CACNA1E: variants seen among roughly 807,000 people sequenced by gnomAD.
CACNA1E encodes voltage-dependent R-type calcium channel subunit alpha-1E.
In CACNA1E, 40 loss-of-function variants were observed where a neutral mutation model predicts 259.2. That is an observed-to-expected ratio of 0.15 (90% confidence interval 0.12 to 0.20). The LOEUF (loss-of-function observed/expected upper bound fraction) is 0.20, where lower values mean the gene tolerates loss of function less well. Ranked by LOEUF, CACNA1E falls within the 10% of genes least tolerant of loss-of-function variation. The pLI is 1.00. For synonymous variants in CACNA1E, 1,104 were observed against 1,138.5 expected (o/e 0.97, Z 0.61); for missense variants, 1,874 against 3,040.1 (o/e 0.62, Z 9.02).
At position 181,630,390 on chromosome 1, in the gene CACNA1E, C is replaced by G. The variant is rs549700386; in HGVS notation, c.952-20948C>G. ...AAAGCAGTGTAATTAACATGCCCCC[C>G]CACCCCGCCTTAAAACCTAATATTC... On this transcript the variant is annotated intron_variant, in intron 6 of 47. Transcript: ENST00000367573. Among the ~76,000 whole-genome samples, 6 of 150,064 alleles carry G rather than the reference C, an allele frequency of 4.0e-5. No individual in the cohort carries two copies. In the East Asian group the frequency reaches 5.8e-4, roughly 15 times the overall value.
At chr1:181,491,774 G>A (rs1664336829) in intron 1 of CACNA1E, among the ~76,000 whole-genome samples, 1 of 152,222 alleles carries the variant, frequency 6.6e-6, no homozygotes, top group Non-Finnish European at 1.5e-5. Flanking sequence ...GCTCTTCTGA[G>A]AAGGGACATG....
chr1:181,641,730 T>TTTTG (rs1657795076), intron 6 of CACNA1E, among the ~76,000 whole-genome samples: 1 of 126,584 alleles, frequency 7.9e-6, no homozygotes. Context: ...TTTTTTTTTT[T>TTTTG]TGAGACAGAG....
intron 2 of CACNA1E, among the ~76,000 whole-genome samples, chr1:181,439,876 C>T (rs1010038977): frequency 1.2e-4 from 19 of 152,184 alleles, no homozygotes; most frequent in African/African-American, 3.9e-4. Context: ...TTAATCCAAT[C>T]GCAAAAACAT....
At chr1:181,388,388 T>C (rs992972235) in intron 1 of CACNA1E, among the ~76,000 whole-genome samples, 1 of 152,306 alleles carries the variant, frequency 6.6e-6, no homozygotes, top group East Asian at 1.9e-4. Context: ...CGCTAGGTGA[T>C]TTTGTCATTG....
intron 2 of CACNA1E, among the ~76,000 whole-genome samples, chr1:181,425,130 G>A (rs566710759): frequency 2.0e-5 from 3 of 152,298 alleles, no homozygotes; most frequent in South Asian, 2.1e-4. Context: ...CCAAGTGGTT[G>A]TTTCTGTGTA....
intron 3 of CACNA1E, among the ~76,000 whole-genome samples, chr1:181,558,880 A>C (rs370320286): frequency 2.6e-5 from 4 of 152,196 alleles, no homozygotes; most frequent in African/African-American, 7.2e-5. Flanking sequence ...GTAGGGATAG[A>C]GAAATGAAAC....
chr1:181,798,781 T>C lies in CACNA1E; in HGVS notation c.6889T>C (p.Cys2297Arg). 6.4e-7 allele frequency: 1 copy of C among 1,567,840 alleles called. No individual in the cohort carries two copies. The highest frequency in any genetic ancestry group is 2.3e-5 in the East Asian group (1 of 44,194). ...CGGGGGGCCTGGGCCAGGCATGATG[T>C]GTGGGGCTGTCAACAACCTGCTAAG... ...RRGGPGPGMMCGAVNNLLSDT... is the reference protein window; with the variant it reads ...RRGGPGPGMMRGAVNNLLSDT... The change falls in exon 48 of 48, where the codon TGT (cysteine) becomes CGT (arginine). Residue 2297 changes from cysteine to arginine, a missense_variant. By Grantham distance (180) the Cys-to-Arg change is radical. Around this residue, in one of 14 missense-constraint regions of CACNA1E, gnomAD observed 542 missense variants for 587.2 expected, o/e 0.92. Transcript: ENST00000367573. This position sits in a 1 kb window ranked among gnomAD's most constrained non-coding sequence, Gnocchi z 4.2.
upstream of CACNA1E, among the ~76,000 whole-genome samples, chr1:181,480,803 T>C (rs1663180985): frequency 1.3e-5 from 2 of 152,218 alleles, no homozygotes; most frequent in Non-Finnish European, 2.9e-5. Context: ...TCTAGTATAA[T>C]CTAGTGTAAA....
At chr1:181,409,647 T>C (rs755849406) in intron 1 of CACNA1E, among the ~76,000 whole-genome samples, 6 of 152,192 alleles carry the variant, frequency 3.9e-5, no homozygotes, top group Non-Finnish European at 8.8e-5. Context: ...CTAGAAGATA[T>C]AGACTGGCTT....
chr1:181,398,948 G>A (rs1656886742), intron 1 of CACNA1E, among the ~76,000 whole-genome samples: 1 of 152,102 alleles, frequency 6.6e-6, no homozygotes, highest in Non-Finnish European at 1.5e-5. Context: ...TCCCTTCCAG[G>A]CAATGCTGCT....
Position 181,793,756 on chromosome 1 carries a change from G to A in CACNA1E, c.5990G>A (p.Arg1997Lys), listed in dbSNP as rs544113218. The change falls in exon 45 of 48, where the codon AGG becomes AAG. Residue 1997 changes from arginine (R) to lysine (K), a missense_variant. Coordinates refer to ENST00000367573, the MANE Select transcript of CACNA1E (RefSeq NM_001205293.3). The part of the protein sequence containing the change: ...SDTQEHAGSG[R>K]ASSMPRLTVD... ...ACCCAGGAGCATGCGGGATCTGGGA[G>A]GGCATCTTCTATGCCACGTCTGACT... 4 of 1,611,830 alleles carry A rather than the reference G, an allele frequency of 2.5e-6. No homozygotes were observed. In the Admixed American group the frequency reaches 6.7e-5, roughly 27 times the overall value.
At chr1:181,697,727 A>G (rs1651854097) in intron 7 of CACNA1E, among the ~76,000 whole-genome samples, 1 of 152,256 alleles carries the variant, frequency 6.6e-6, no homozygotes, top group African/African-American at 2.4e-5. Flanking sequence ...TAGACATCAA[A>G]TATCTGTAAA....
intron 27 of CACNA1E, among the ~76,000 whole-genome samples, chr1:181,754,805 CA>C (rs1251057101): frequency 1.3e-5 from 2 of 152,158 alleles, no homozygotes; most frequent in African/African-American, 4.8e-5. Flanking sequence ...AATACATAAT[CA>C]GTATATAAAT....
intron 3 of CACNA1E, among the ~76,000 whole-genome samples, chr1:181,573,191 A>G (rs773795045): frequency 3.3e-5 from 5 of 152,220 alleles, no homozygotes; most frequent in Non-Finnish European, 5.9e-5. Context: ...TTAATGACAT[A>G]CCACTTGAAA....
At chr1:181,791,508 T>G (rs571371420) in intron 44 of CACNA1E, among the ~76,000 whole-genome samples, 90 of 152,198 alleles carry the variant, frequency 5.9e-4, no homozygotes, top group African/African-American at 2.1e-3. Flanking sequence ...GAGAGACCTA[T>G]TGAGTCAAGT....
At chr1:181,709,173 A>G (rs1653086727) in intron 7 of CACNA1E, among the ~76,000 whole-genome samples, 1 of 152,232 alleles carries the variant, frequency 6.6e-6, no homozygotes, top group Admixed American at 6.5e-5. Flanking sequence ...TGGTGATGTC[A>G]TGAACCAAGC....
At chr1:181,709,894 T>C (rs1653166653) in intron 7 of CACNA1E, among the ~76,000 whole-genome samples, 1 of 152,132 alleles carries the variant, frequency 6.6e-6, no homozygotes, top group Admixed American at 6.5e-5. Context: ...GGTAAGGGCA[T>C]CCTAGCCTGG....
intron 6 of CACNA1E, among the ~76,000 whole-genome samples, chr1:181,584,568 C>T (rs1204275828): frequency 1.3e-5 from 2 of 152,218 alleles, no homozygotes; most frequent in Admixed American, 1.3e-4. Flanking sequence ...AAATGGTTAA[C>T]AGCTATTCAC....
chr1:181,496,678 A>G (rs2102540085), intron 1 of CACNA1E, among the ~76,000 whole-genome samples: 1 of 152,252 alleles, frequency 6.6e-6, no homozygotes, highest in Admixed American at 6.5e-5. Context: ...TGCTAGGGAT[A>G]TTAGGGGCAT....
Sources: allele counts gnomAD v4.1 joint callset (sites outside exome capture counted in the v4.1 genomes callset), GRCh38; gene constraint gnomAD v4.1.1; regional missense constraint gnomAD v4.1.1; non-coding constraint Gnocchi (gnomAD v3.1); transcripts MANE v1.5; gene names NCBI Gene and HGNC (gene_info 2026-07-23, HGNC 2026-07-21).